ELAVL1: variants seen among roughly 807,000 people sequenced by gnomAD.
The protein encoded by ELAVL1 is ELAV like RNA binding protein 1.
Under a neutral mutation model 28.4 loss-of-function variants are expected in ELAVL1, and 1 was observed. That is an observed-to-expected ratio of 0.04 (90% CI 0.01 to 0.17). ELAVL1 has a LOEUF of 0.17. Among genes scored for constraint, ELAVL1 ranks in the 10% least tolerant of loss-of-function variants. ELAVL1 has a pLI of 1.00. For synonymous variants in ELAVL1, 174 were observed against 183.5 expected, an observed-to-expected ratio of 0.95 and a Z score of 0.42; for missense variants, 157 against 447.2, an observed-to-expected ratio of 0.35 and a Z score of 5.85.
intron 5 of ELAVL1, among the ~76,000 whole-genome samples, chr19:7,964,971 CGCAGCCCTGCAG>C (rs1984916490): frequency 6.6e-6 from 1 of 152,228 alleles, no homozygotes; most frequent in Non-Finnish European, 1.5e-5. Context: ...ATCAGCCAAG[CGCAGCCCTGCAG>C]GCCCCAGCCG....
At position 7,991,230 on chromosome 19, in the gene ELAVL1, C is replaced by T. The variant is rs372793325; in HGVS notation, c.172+414G>A. On this transcript the variant is annotated intron_variant, in intron 2 of 5. Coordinates refer to ENST00000407627, the MANE Select transcript of ELAVL1 (RefSeq NM_001419.3). ...CCTGGGCCTGACCAAGAGTGGGGGC[C>T]TGGACAGACAGGGGCAGGCCTACCT... Among the ~76,000 whole-genome samples the T allele has an allele frequency of 8.5e-5, 13 of 152,284 alleles. 1 individual carries two copies. The highest frequency in any genetic ancestry group is 3.1e-4 in the African/African-American group (13 of 41,550).
intron 1 of ELAVL1, chr19:8,002,043 C>T: frequency 7.8e-7 from 1 of 1,289,362 alleles, no homozygotes; most frequent in Non-Finnish European, 1.0e-6. Flanking sequence ...GTAGCCACCC[C>T]TGGCCTACCT....
chr19:7,991,870 A>G, intron 1 of ELAVL1, 39 bp from the exon 2 acceptor site: 1 of 1,522,930 alleles, frequency 6.6e-7, no homozygotes, highest in East Asian at 2.3e-5. Context: ...CAAAATGTTC[A>G]TATTGCAGTA....
At chr19:7,975,081 C>A (rs952983101) in intron 3 of ELAVL1, among the ~76,000 whole-genome samples, 2 of 152,136 alleles carry the variant, frequency 1.3e-5, no homozygotes, top group Non-Finnish European at 2.9e-5. Flanking sequence ...CTCCCAGGCC[C>A]GGGGCACCTC....
At position 7,963,901 on chromosome 19, in the gene ELAVL1, C is replaced by CATG; in HGVS notation, c.657-95_657-94insCAT. 1 of 1,383,304 alleles carries CATG rather than the reference C, an allele frequency of 7.2e-7. No homozygotes were observed. The highest frequency in any genetic ancestry group is 1.4e-5 in the African/African-American group (1 of 69,258). 85.7% of individuals were successfully genotyped at this position (1,383,304 alleles called of 1,614,324 possible). On this transcript the variant is annotated intron_variant, in intron 5 of 5. Transcript: ENST00000407627. The surrounding 1 kb of genome is among the most constrained non-coding windows in gnomAD (Gnocchi z 4.5). ...ACGCATGCTGACCATGGCCGCTGGG[C>CATG]CCCATCCCGCTCTGCGCAGCCACGA...
intron 1 of ELAVL1, among the ~76,000 whole-genome samples, chr19:7,994,810 T>C (rs1480672438): frequency 6.6e-6 from 1 of 152,076 alleles, no homozygotes; most frequent in African/African-American, 2.4e-5. Context: ...AATAATTTAG[T>C]GGGCATGGTG....
intron 2 of ELAVL1, among the ~76,000 whole-genome samples, chr19:7,983,733 G>C (rs1371038825): frequency 6.6e-6 from 1 of 152,110 alleles, no homozygotes; most frequent in Admixed American, 6.5e-5. Context: ...ACCAATGCCC[G>C]TTCCTGTGTC....
At chr19:7,974,029 C>T (rs1985202596) in intron 3 of ELAVL1, 151 bp from the exon 4 acceptor site, 8 of 1,058,362 alleles carry the variant, frequency 7.6e-6, no homozygotes, top group South Asian at 6.7e-5. Flanking sequence ...CGCCTGCAGC[C>T]GCATGGTGGC....
chr19:7,997,878 G>GA (rs1434176438), intron 1 of ELAVL1, among the ~76,000 whole-genome samples: 1 of 152,152 alleles, frequency 6.6e-6, no homozygotes, highest in Non-Finnish European at 1.5e-5. Context: ...TAGAGCCTGG[G>GA]AGGTCAATAC....
chr19:7,973,970 CTGTG>C, intron 3 of ELAVL1, 92 bp from the exon 4 acceptor site: 1 of 1,483,284 alleles, frequency 6.7e-7, no homozygotes. Flanking sequence ...AAAGCCAACA[CTGTG>C]TGTTAGAAAT....
chr19:7,977,323 G>A (rs1327259770), intron 3 of ELAVL1, among the ~76,000 whole-genome samples: 1 of 152,176 alleles, frequency 6.6e-6, no homozygotes, highest in Non-Finnish European at 1.5e-5. Flanking sequence ...CCCTGGCTTT[G>A]CCCCTCCATC....
At chr19:7,973,518 C>T in intron 4 of ELAVL1, 1 of 653,352 alleles carries the variant, frequency 1.5e-6, no homozygotes, top group South Asian at 2.2e-5. Flanking sequence ...GCGTGAGCCA[C>T]CACGCCCAGA....
Position 7,963,476 on chromosome 19 carries a change from G to C in ELAVL1, c.*7C>G. 1 of 1,599,516 alleles carries C rather than the reference G, an allele frequency of 6.3e-7. No individual in the cohort carries two copies. Among genetic ancestry groups the C allele is most frequent in the South Asian group, 1.1e-5 (1 of 90,118 alleles). On this transcript the variant is annotated 3_prime_UTR_variant, in exon 6 of 6. Transcript: ENST00000407627. This position sits in a 1 kb window ranked among gnomAD's most constrained non-coding sequence, Gnocchi z 4.5. ...ATCTATTCCGTACAAAAAAAAGCAT[G>C]AGCGAGTTATTTGTGGGACTTGTTG...
Position 7,959,463 on chromosome 19 carries a change from T to G in ELAVL1, c.*4020A>C, listed in dbSNP as rs1984745544. ...TGGCCCCAAACCAACGGAAAAGGCT[T>G]CTCTTCTGGTGGAAGAAAAATCCAG... On this transcript the variant is annotated 3_prime_UTR_variant, in exon 6 of 6. Coordinates refer to ENST00000407627, the MANE Select transcript of ELAVL1 (RefSeq NM_001419.3). The G allele has an allele frequency of 6.6e-6, 1 of 152,382 alleles. No homozygotes were observed. Among genetic ancestry groups the G allele is most frequent in the South Asian group, 2.1e-4 (1 of 4,828 alleles). The allele number at this position is 152,382 out of a possible 1,614,324, so 9.4% of individuals were successfully genotyped here. A position where few individuals can be genotyped will look rare whatever the true frequency, so the allele number is the denominator to read the frequency against.
intron 5 of ELAVL1, among the ~76,000 whole-genome samples, chr19:7,964,833 G>A (rs1984911044): frequency 6.6e-6 from 1 of 152,126 alleles, no homozygotes; most frequent in Non-Finnish European, 1.5e-5. Flanking sequence ...AAAAGTAAAG[G>A]TCTGAGGGTC....
intron 2 of ELAVL1, among the ~76,000 whole-genome samples, chr19:7,989,454 C>G (rs961937832): frequency 6.6e-6 from 1 of 152,224 alleles, no homozygotes; most frequent in African/African-American, 2.4e-5. Flanking sequence ...AAAACCAGTT[C>G]TCTCCAGACT....
chr19:7,987,379 A>T (rs1198522104), intron 2 of ELAVL1, among the ~76,000 whole-genome samples: 4 of 152,096 alleles, frequency 2.6e-5, no homozygotes, highest in Admixed American at 6.5e-5. Context: ...CTGTGGAGAG[A>T]CCAGACACTG....
chr19:7,978,154 C>T (rs143543726), intron 3 of ELAVL1, among the ~76,000 whole-genome samples: 379 of 152,344 alleles, frequency 2.5e-3, no homozygotes, highest in Non-Finnish European at 4.0e-3. Context: ...AGGGCTTGGC[C>T]CTAGCCCGTA....
At chr19:7,976,105 A>G (rs889410496) in intron 3 of ELAVL1, among the ~76,000 whole-genome samples, 10 of 151,712 alleles carry the variant, frequency 6.6e-5, no homozygotes, top group African/African-American at 2.4e-4. Flanking sequence ...AAAAAAAAAA[A>G]AAAGTATTTT....
Sources: gnomAD v4.1 joint callset for allele counts (sites outside exome capture counted in the v4.1 genomes callset) on GRCh38, gnomAD v4.1.1 for gene constraint, Gnocchi (gnomAD v3.1) non-coding constraint, MANE v1.5 for transcripts, NCBI Gene and HGNC (gene_info 2026-07-23, HGNC 2026-07-21) for gene names.